EHD4: variants seen among roughly 807,000 people sequenced by gnomAD.
EHD4 encodes EH domain-containing protein 4.
Under a neutral mutation model 51.0 loss-of-function variants are expected in EHD4, and 37 were observed. The ratio of observed to expected loss-of-function variants is 0.73; its 90% CI spans 0.56 to 0.95. The LOEUF (loss-of-function observed/expected upper bound fraction) is 0.95. EHD4 is among the 40% of genes least tolerant of loss of function. The pLI is 0.00. For synonymous variants in EHD4, 297 were observed against 317.3 expected (o/e 0.94, Z 0.68); for missense variants, 632 against 733.1 (o/e 0.86, Z 1.59).
At position 41,953,755 on chromosome 15, in the gene EHD4, G is replaced by C; in HGVS notation, c.413+9C>G. On this transcript the variant is annotated intron_variant, in intron 2 of 5. Coordinates refer to ENST00000220325, the MANE Select transcript of EHD4 (RefSeq NM_139265.4). The stretch of plus-strand genomic sequence containing the variant: ...GCCTGACCGAAGATGGCAGCTTGCT[G>C]GTCCTTACCGATTCAGGAAAGCGTT... 1.3e-6 allele frequency: 2 copies of C among 1,596,746 alleles called. No homozygotes were observed. The highest frequency in any genetic ancestry group is 1.7e-6 in the Non-Finnish European group (2 of 1,173,404).
chr15:41,942,772 C>A (rs1486812558), intron 3 of EHD4: 3 of 287,392 alleles, frequency 1.0e-5, no homozygotes, highest in East Asian at 7.9e-5. Flanking sequence ...TCTCCCAACA[C>A]CCCCGAGGCC....
chr15:41,961,124 A>T (rs571631781), intron 1 of EHD4, among the ~76,000 whole-genome samples: 8 of 152,374 alleles, frequency 5.3e-5, no homozygotes, highest in Admixed American at 1.3e-4. Context: ...TCATTGAACC[A>T]ATAAACTGGA....
chr15:41,944,021 C>T (rs2067794997), intron 2 of EHD4, among the ~76,000 whole-genome samples: 2 of 152,204 alleles, frequency 1.3e-5, no homozygotes, highest in African/African-American at 4.8e-5. Context: ...GATCCTGGTC[C>T]CTTTCCCTGT....
At chr15:41,951,897 C>T (rs1009280505) in intron 2 of EHD4, among the ~76,000 whole-genome samples, 1 of 152,206 alleles carries the variant, frequency 6.6e-6, no homozygotes, top group Non-Finnish European at 1.5e-5. Context: ...AAAGTCAGCC[C>T]TGCAGGTTGG....
intron 2 of EHD4, among the ~76,000 whole-genome samples, chr15:41,949,409 G>A (rs1405381392): frequency 6.6e-6 from 1 of 151,916 alleles, no homozygotes; most frequent in Non-Finnish European, 1.5e-5. Flanking sequence ...AAACTCAAAA[G>A]CTAAACTGAG....
At chr15:41,946,200 C>T (rs572287657) in intron 2 of EHD4, among the ~76,000 whole-genome samples, 6 of 152,286 alleles carry the variant, frequency 3.9e-5, no homozygotes, top group Admixed American at 3.3e-4. Context: ...AATATGCAGA[C>T]ACATGCTGGT....
intron 1 of EHD4, among the ~76,000 whole-genome samples, chr15:41,955,705 C>A (rs2067883142): frequency 6.6e-6 from 1 of 152,218 alleles, no homozygotes; most frequent in South Asian, 2.1e-4. Flanking sequence ...AATTCTTACA[C>A]ATTCCACACA....
chr15:41,903,578 G>C (rs917738664), intron 5 of EHD4, among the ~76,000 whole-genome samples: 6 of 151,864 alleles, frequency 4.0e-5, no homozygotes, highest in African/African-American at 1.5e-4. Context: ...AACAGTTACA[G>C]AATATTGAAC....
chr15:41,912,242 C>T (rs911590857), intron 4 of EHD4, among the ~76,000 whole-genome samples: 2 of 152,176 alleles, frequency 1.3e-5, no homozygotes, highest in Non-Finnish European at 1.5e-5. Flanking sequence ...ACTGCAGCTG[C>T]TCTCGGTCCC....
intron 1 of EHD4, among the ~76,000 whole-genome samples, chr15:41,971,776 G>A (rs1344889771): frequency 6.6e-6 from 1 of 152,188 alleles, no homozygotes; most frequent in Admixed American, 6.5e-5. Context: ...AAGACCTCAA[G>A]GGAAGGGGGC....
intron 4 of EHD4, among the ~76,000 whole-genome samples, chr15:41,910,980 G>A (rs78448989): frequency 0.032 from 4,946 of 152,274 alleles, 285 homozygotes; most frequent in African/African-American, 0.11. Flanking sequence ...ATGTAGCAAC[G>A]GAAAATCCTA....
chr15:41,946,623 G>T (rs1297884111), intron 2 of EHD4, among the ~76,000 whole-genome samples: 1 of 152,200 alleles, frequency 6.6e-6, no homozygotes, highest in Non-Finnish European at 1.5e-5. Flanking sequence ...CTACTCAGGA[G>T]CCTGAGGTGG....
intron 1 of EHD4, among the ~76,000 whole-genome samples, chr15:41,960,142 C>G (rs72726031): frequency 3.9e-5 from 6 of 152,062 alleles, no homozygotes; most frequent in African/African-American, 1.2e-4. Context: ...TAGATACTAA[C>G]AAATGACAGG....
rs2067444545 is a variant in EHD4, at chr15:41,897,216, T to C, written c.*3429A>G. ...TTCTGTCCTAAGCATGCTTGCCTGC[T>C]ACATCCCATGGAGAAAATAAACAGT... is the stretch of plus-strand genomic sequence containing the variant. On this transcript the variant is annotated 3_prime_UTR_variant, in exon 6 of 6. Coordinates refer to ENST00000220325, the MANE Select transcript of EHD4 (RefSeq NM_139265.4). 6.6e-6 allele frequency: 1 copy of C among 152,254 alleles called. No individual in the cohort carries two copies. Among genetic ancestry groups the C allele is most frequent in the South Asian group, 2.1e-4 (1 of 4,828 alleles). 9.4% of individuals were successfully genotyped at this position (152,254 alleles called of 1,614,324 possible).
rs2067439664 is a variant in EHD4 at position 41,896,501 on chromosome 15, G to A, written c.*4144C>T. On this transcript the variant is annotated 3_prime_UTR_variant, in exon 6 of 6. Coordinates refer to ENST00000220325, the MANE Select transcript of EHD4 (RefSeq NM_139265.4). ...CAATATTTGTGACCAAGGGGATGTG[G>A]TCAATCTCATCCAAACCTCACTTGA... is the stretch of plus-strand genomic sequence containing the variant. 6.6e-6 allele frequency: 1 copy of A among 152,206 alleles called. No homozygotes were observed. Among genetic ancestry groups the A allele is most frequent in the Non-Finnish European group, 1.5e-5 (1 of 68,046 alleles). The allele number at this position is 152,206 out of a possible 1,614,324, so 9.4% of individuals were successfully genotyped here.
rs1377736635 is a variant in EHD4, at chr15:41,914,767, T to G, written c.924+4443A>C. Among the ~76,000 whole-genome samples, 30 of 149,992 alleles carry G rather than the reference T, an allele frequency of 2.0e-4. No homozygotes were observed. The Admixed American group carries it at 2.0e-3, about 10-fold the overall frequency. The stretch of plus-strand genomic sequence containing the variant: ...ATCCATTTGGTGCACAAAAAATGCC[T>G]CATTTCTTTACAGGAGAATTTTTTT... On this transcript the variant is annotated intron_variant, in intron 4 of 5. Coordinates refer to ENST00000220325, the MANE Select transcript of EHD4 (RefSeq NM_139265.4).
chr15:41,933,303 C>T (rs920814113), intron 3 of EHD4, among the ~76,000 whole-genome samples: 3 of 152,230 alleles, frequency 2.0e-5, no homozygotes, highest in Admixed American at 6.5e-5. Context: ...CACGTGTATC[C>T]TGGGGAGGAC....
At chr15:41,922,004 CA>C (rs1303517553) in intron 3 of EHD4, among the ~76,000 whole-genome samples, 1 of 152,162 alleles carries the variant, frequency 6.6e-6, no homozygotes, top group African/African-American at 2.4e-5. Flanking sequence ...CCTAGTTCTC[CA>C]ACTTTCCCAT....
chr15:41,959,675 G>C (rs1024710758), intron 1 of EHD4, among the ~76,000 whole-genome samples: 1 of 151,994 alleles, frequency 6.6e-6, no homozygotes, highest in South Asian at 2.1e-4. Flanking sequence ...GATGTTTTAA[G>C]AGCAGTTTCT....
Sources: allele counts gnomAD v4.1 joint callset (sites outside exome capture counted in the v4.1 genomes callset), GRCh38; gene constraint gnomAD v4.1.1; transcripts MANE v1.5; gene names NCBI Gene and HGNC (gene_info 2026-07-23, HGNC 2026-07-21).